ANGPT2: variants seen among roughly 807,000 people sequenced by gnomAD.
ANGPT2 encodes angiopoietin 2, also known as angiopoietin-2.
Under a neutral mutation model 62.9 loss-of-function variants are expected in ANGPT2, and 28 were observed. The ratio of observed to expected loss-of-function variants is 0.44; its 90% CI spans 0.33 to 0.61. The LOEUF is 0.61. Ranked by LOEUF, ANGPT2 falls within the 20% of genes least tolerant of loss-of-function variation. The pLI, the probability that ANGPT2 is intolerant of heterozygous loss-of-function variation, is 0.03. For missense variants in ANGPT2, 727 were observed against 594.9 expected, an observed-to-expected ratio of 1.22 and a Z score of -2.31; for synonymous variants, 284 against 207.8, an observed-to-expected ratio of 1.37 and a Z score of -3.15.
chr8:6,511,089 T>C (rs970370574), intron 7 of ANGPT2, among the ~76,000 whole-genome samples: 15 of 152,224 alleles, frequency 9.9e-5, no homozygotes, highest in African/African-American at 3.6e-4. Flanking sequence ...TTTGAACATG[T>C]TTAGTTCTCA....
intron 3 of ANGPT2, among the ~76,000 whole-genome samples, 191 bp downstream of exon 3, chr8:6,527,364 C>G (rs558651053): frequency 1.3e-4 from 20 of 152,346 alleles, no homozygotes; most frequent in African/African-American, 4.8e-4. Context: ...AAATCCAGGA[C>G]TGTGTTAGGA....
At chr8:6,523,023 A>C (rs1199163325) in intron 3 of ANGPT2, among the ~76,000 whole-genome samples, 1 of 150,964 alleles carries the variant, frequency 6.6e-6, no homozygotes, top group African/African-American at 2.4e-5. Context: ...TTTGAGATGG[A>C]GTCTCGCTCT....
intron 1 of ANGPT2, among the ~76,000 whole-genome samples, chr8:6,537,488 T>C (rs1820717259): frequency 6.6e-6 from 1 of 152,084 alleles, no homozygotes; most frequent in South Asian, 2.1e-4. Context: ...GACATAGTCT[T>C]TAAAACTTGG....
chr8:6,507,342 T>A (rs1813953985), intron 8 of ANGPT2, among the ~76,000 whole-genome samples: 1 of 152,250 alleles, frequency 6.6e-6, no homozygotes, highest in Non-Finnish European at 1.5e-5. Flanking sequence ...TTTGCAGATA[T>A]GATTTATGTT....
chr8:6,541,954 G>A (rs1305861461), intron 1 of ANGPT2, among the ~76,000 whole-genome samples: 2 of 150,842 alleles, frequency 1.3e-5, no homozygotes, highest in South Asian at 4.2e-4. Context: ...GCTGCAGTGA[G>A]CCGTGATCGT....
chr8:6,532,313 T>C lies in ANGPT2; in HGVS notation c.444+19A>G, dbSNP rs764031181. ...CTCTAGCTGCAGGGACACCGTGTGC[T>C]TTATGTGGCATTACTTACTTGGGCT... On this transcript the variant is annotated intron_variant, in intron 2 of 8. Transcript: ENST00000629816. The C allele has an allele frequency of 6.2e-7, 1 of 1,613,976 alleles. No individual in the cohort carries two copies. The highest frequency in any genetic ancestry group is 8.5e-7 in the Non-Finnish European group (1 of 1,180,028).
chr8:6,515,078 A>AG (rs112968706), intron 5 of ANGPT2, among the ~76,000 whole-genome samples: 9,209 of 152,132 alleles, frequency 0.061, 315 homozygotes, highest in African/African-American at 0.08. Context: ...TGGCTGGTCC[A>AG]GAGATTGCTG....
chr8:6,514,544 C>G, intron 6 of ANGPT2, 133 bp downstream of exon 6: 2 of 771,910 alleles, frequency 2.6e-6, no homozygotes, highest in South Asian at 3.3e-5. Flanking sequence ...AAAGGGGAGA[C>G]TGAAGCACCA....
At chr8:6,553,448 T>A (rs77205927) in intron 1 of ANGPT2, among the ~76,000 whole-genome samples, 2,875 of 152,248 alleles carry the variant, frequency 0.019, 59 homozygotes, top group East Asian at 0.054. Flanking sequence ...CTTCAGAGGC[T>A]TGCTGGTCTA....
chr8:6,513,960 G>A, intron 6 of ANGPT2, 116 bp from the exon 7 acceptor site: 1 of 1,009,502 alleles, frequency 9.9e-7, no homozygotes, highest in Non-Finnish European at 1.4e-6. Flanking sequence ...AATTCCTTCT[G>A]GTGCTGTGAC....
intron 1 of ANGPT2, among the ~76,000 whole-genome samples, chr8:6,548,755 T>G (rs1275690629): frequency 6.6e-6 from 1 of 152,192 alleles, no homozygotes; most frequent in African/African-American, 2.4e-5. Flanking sequence ...CTCTCTCTGA[T>G]GATGCTGGAA....
chr8:6,540,954 G>A (rs938383042), intron 1 of ANGPT2, among the ~76,000 whole-genome samples: 1 of 152,244 alleles, frequency 6.6e-6, no homozygotes, highest in African/African-American at 2.4e-5. Flanking sequence ...GCAAGAATGG[G>A]GACTGCTGTC....
At chr8:6,510,165 T>TC (rs1290932574) in intron 7 of ANGPT2, among the ~76,000 whole-genome samples, 1 of 151,426 alleles carries the variant, frequency 6.6e-6, no homozygotes, top group South Asian at 2.1e-4. Flanking sequence ...TTTCTTTTTT[T>TC]TTTTTTATTT....
At position 6,521,229 on chromosome 8, in the gene ANGPT2, C is replaced by T. The variant is rs193132727; in HGVS notation, c.748G>A (p.Asp250Asn). The T allele has an allele frequency of 1.9e-6, 3 of 1,613,754 alleles. No individual in the cohort carries two copies. The South Asian group carries it at 3.3e-5, about 18-fold the overall frequency. The change falls in exon 4 of 9, where the codon GAT becomes AAT. Residue 250 changes from aspartate to asparagine, a missense_variant. Transcript: ENST00000629816. ...NNSVLQKQQH[D>N]LMETVNNLLT... is the part of the protein sequence containing the mutation. ...AAGTTATTAACTGTCTCCATGAGAT[C>T]ATGTTGCTGCTTCTGAAGAACTGAA...
In ANGPT2 at chr8:6,505,344, A is replaced by ATGT. The variant is rs1563306343; in HGVS notation, c.1328-2084_1328-2083insACA. 5.6e-4 allele frequency among the ~76,000 whole-genome samples: 39 copies of ATGT among 70,212 alleles called. 1 individual carries two copies. The highest frequency in any genetic ancestry group is 0.029 in the Middle Eastern group (2 of 68). The allele number at this position is 70,212 out of a possible 152,430, so 46.1% of individuals were successfully genotyped here. Reference sequence around the variant, plus strand: ...TGTTATATACATATAGAAAGAATATATATATTCTTTCTATATGTATATAGA... The same window carrying ATGT: ...TGTTATATACATATAGAAAGAATATATGTTATATTCTTTCTATATGTATATAGA... On this transcript the variant is annotated intron_variant, in intron 8 of 8. Coordinates refer to ENST00000629816, the MANE Select transcript of ANGPT2 (RefSeq NM_001118887.2).
intron 1 of ANGPT2, among the ~76,000 whole-genome samples, chr8:6,535,363 G>T (rs1030053059): frequency 2.0e-5 from 3 of 152,054 alleles, no homozygotes; most frequent in African/African-American, 7.2e-5. Context: ...AAGACATACA[G>T]GCCCAATTTT....
chr8:6,544,161 A>G (rs1318986898), intron 1 of ANGPT2, among the ~76,000 whole-genome samples: 1 of 152,226 alleles, frequency 6.6e-6, no homozygotes, highest in African/African-American at 2.4e-5. Context: ...ATTTGGTAGG[A>G]AGTGTAACAA....
At chr8:6,530,656 A>G (rs1351764694) in intron 2 of ANGPT2, among the ~76,000 whole-genome samples, 1 of 151,996 alleles carries the variant, frequency 6.6e-6, no homozygotes, top group Non-Finnish European at 1.5e-5. Context: ...TTAGTACCTT[A>G]TGATCCGTTA....
chr8:6,554,267 T>A (rs565575733), intron 1 of ANGPT2, among the ~76,000 whole-genome samples: 1 of 149,638 alleles, frequency 6.7e-6, no homozygotes, highest in African/African-American at 2.5e-5. Flanking sequence ...TGTGACAAAA[T>A]TGAGAAATAG....
Sources: allele counts gnomAD v4.1 joint callset (sites outside exome capture counted in the v4.1 genomes callset), GRCh38; gene constraint gnomAD v4.1.1; transcripts MANE v1.5; gene names NCBI Gene and HGNC (gene_info 2026-07-23, HGNC 2026-07-21).